TTC7B: variants seen among roughly 807,000 people sequenced by gnomAD.
The protein encoded by TTC7B is tetratricopeptide repeat domain 7B, also known as tetratricopeptide repeat protein 7B.
Under a neutral mutation model 106.8 loss-of-function variants are expected in TTC7B, and 28 were observed. The observed-to-expected ratio is 0.26, with a 90% CI of 0.19 to 0.36. The LOEUF is 0.36. Among genes scored for constraint, TTC7B ranks in the 10% least tolerant of loss-of-function variants. The pLI is 1.00. For synonymous variants in TTC7B, 405 were observed against 430.6 expected (o/e 0.94, Z 0.74); for missense variants, 862 against 1,076.4 (o/e 0.80, Z 2.79).
chr14:90,748,615 C>T (rs1300938546), intron 3 of TTC7B, among the ~76,000 whole-genome samples: 3 of 152,174 alleles, frequency 2.0e-5, no homozygotes, highest in Non-Finnish European at 4.4e-5. Context: ...GCTTGAGCCA[C>T]CATGCCCAGC....
At chr14:90,747,162 C>T (rs1473866270) in intron 3 of TTC7B, among the ~76,000 whole-genome samples, 3 of 152,168 alleles carry the variant, frequency 2.0e-5, no homozygotes, top group Admixed American at 6.5e-5. Context: ...ATGGGTGCTC[C>T]ATGCCTATGT....
intron 16 of TTC7B, among the ~76,000 whole-genome samples, chr14:90,613,080 T>G (rs1892940965): frequency 6.6e-6 from 1 of 152,200 alleles, no homozygotes; most frequent in Admixed American, 6.5e-5. Context: ...TGCTTTTGTT[T>G]CCACATTCAA....
At chr14:90,705,531 T>C (rs911100781) in intron 5 of TTC7B, among the ~76,000 whole-genome samples, 3 of 152,146 alleles carry the variant, frequency 2.0e-5, no homozygotes, top group African/African-American at 7.2e-5. Context: ...CCATATTTCA[T>C]TGACCCCCTC....
intron 19 of TTC7B, among the ~76,000 whole-genome samples, chr14:90,558,511 G>A (rs1186437103): frequency 6.6e-6 from 1 of 152,280 alleles, no homozygotes; most frequent in Non-Finnish European, 1.5e-5. Context: ...TCATTTTGGT[G>A]AGTGGCTTCC....
At chr14:90,615,610 G>A (rs1264135593) in intron 16 of TTC7B, among the ~76,000 whole-genome samples, 3 of 152,190 alleles carry the variant, frequency 2.0e-5, no homozygotes, top group South Asian at 2.1e-4. Flanking sequence ...GGCCCCACTC[G>A]GGAGTGTTGC....
At chr14:90,563,161 T>C (rs2139786403) in intron 19 of TTC7B, among the ~76,000 whole-genome samples, 1 of 152,246 alleles carries the variant, frequency 6.6e-6, no homozygotes, top group African/African-American at 2.4e-5. Context: ...TCCCATTTAA[T>C]CCCTCCAACA....
Position 90,534,025 on chromosome 14 carries a change from A to C in TTC7B, c.*7343T>G, listed in dbSNP as rs1024387998. On this transcript the variant is annotated 3_prime_UTR_variant, in exon 20 of 20. Transcript: ENST00000328459. Reference sequence around the variant, plus strand: ...TCTCAGCCCAGAAGGCAGGCTGGGCAGAGGTGACTGTCCTCATCTGATTCT... The same window carrying C: ...TCTCAGCCCAGAAGGCAGGCTGGGCCGAGGTGACTGTCCTCATCTGATTCT... The C allele has an allele frequency of 2.6e-5, 4 of 152,302 alleles. No individual in the cohort carries two copies. Among genetic ancestry groups the C allele is most frequent in the African/African-American group, 7.2e-5 (3 of 41,474 alleles). 9.4% of individuals were successfully genotyped at this position (152,302 alleles called of 1,614,324 possible).
At chr14:90,774,493 C>A (rs758400643) in intron 3 of TTC7B, among the ~76,000 whole-genome samples, 1 of 152,206 alleles carries the variant, frequency 6.6e-6, no homozygotes, top group Non-Finnish European at 1.5e-5. Context: ...CTCAGAAAGC[C>A]CTGTGGGATG....
chr14:90,717,122 G>A (rs1246178403), intron 5 of TTC7B, among the ~76,000 whole-genome samples: 1 of 152,138 alleles, frequency 6.6e-6, no homozygotes, highest in South Asian at 2.1e-4. Context: ...GGCAGATCAC[G>A]AGGTCAGGTG....
At position 90,527,013 on chromosome 14, in the gene TTC7B, TC is replaced by T. The variant is rs1889163917; in HGVS notation, c.*14354del. On this transcript the variant is annotated 3_prime_UTR_variant, in exon 20 of 20. Coordinates refer to ENST00000328459, the MANE Select transcript of TTC7B (RefSeq NM_001010854.2). ...CGTCAGTTTCTTAGACTTTTCTTTT[TC>T]ATGCTCTTGGTAGTTTTGAGGGGTA... The T allele has an allele frequency of 6.6e-6, 1 of 152,246 alleles. No individual in the cohort carries two copies. Among genetic ancestry groups the T allele is most frequent in the Admixed American group, 6.5e-5 (1 of 15,276 alleles). 9.4% of individuals were successfully genotyped at this position (152,246 alleles called of 1,614,324 possible). A position where few individuals can be genotyped will look rare whatever the true frequency, so the allele number is the denominator to read the frequency against.
chr14:90,743,098 A>G (rs1889829871), intron 4 of TTC7B, among the ~76,000 whole-genome samples: 2 of 152,228 alleles, frequency 1.3e-5, no homozygotes, highest in Admixed American at 1.3e-4. Flanking sequence ...TAAAGATCAT[A>G]TCGTAAATTC....
intron 16 of TTC7B, among the ~76,000 whole-genome samples, chr14:90,616,809 GCCCGCCTCA>G (rs1893099204): frequency 1.3e-5 from 2 of 152,122 alleles, no homozygotes; most frequent in Admixed American, 1.3e-4. Flanking sequence ...CCAGCCCACT[GCCCGCCTCA>G]CCCTTCGTAC....
chr14:90,616,568 C>T (rs1208876125), intron 16 of TTC7B, among the ~76,000 whole-genome samples: 2 of 152,144 alleles, frequency 1.3e-5, no homozygotes, highest in African/African-American at 2.4e-5. Flanking sequence ...CTGGACAGCT[C>T]ATGGCTTTCC....
intron 5 of TTC7B, among the ~76,000 whole-genome samples, chr14:90,713,266 C>A (rs1888519457): frequency 1.3e-5 from 2 of 152,130 alleles, no homozygotes; most frequent in Admixed American, 6.5e-5. Context: ...CAAGTGCACA[C>A]CACCATGCCC....
chr14:90,658,020 G>A, intron 10 of TTC7B: 1 of 427,326 alleles, frequency 2.3e-6, no homozygotes, highest in African/African-American at 2.0e-5. Context: ...GGAGGTGTCT[G>A]TGTAAAACAT....
At chr14:90,667,525 C>CA (rs1886459825) in intron 9 of TTC7B, among the ~76,000 whole-genome samples, 1 of 152,196 alleles carries the variant, frequency 6.6e-6, no homozygotes, top group South Asian at 2.1e-4. Context: ...CCTACCCCCG[C>CA]AAACAACCCC....
chr14:90,681,270 T>A (rs917724955), intron 7 of TTC7B, among the ~76,000 whole-genome samples: 2 of 152,180 alleles, frequency 1.3e-5, no homozygotes, highest in Non-Finnish European at 2.9e-5. Flanking sequence ...AGCTCTAGAA[T>A]CCTTTGAGCA....
intron 5 of TTC7B, among the ~76,000 whole-genome samples, chr14:90,703,498 G>A (rs1413366520): frequency 1.3e-5 from 2 of 152,122 alleles, no homozygotes; most frequent in Admixed American, 1.3e-4. Flanking sequence ...CAATTGACAG[G>A]AGAACTGCAT....
At chr14:90,726,424 T>C (rs1237709031) in intron 5 of TTC7B, among the ~76,000 whole-genome samples, 1 of 152,178 alleles carries the variant, frequency 6.6e-6, no homozygotes, top group Non-Finnish European at 1.5e-5. Flanking sequence ...GCCCTGGCAA[T>C]GTCCGGCTCG....
Sources: allele counts gnomAD v4.1 joint callset (sites outside exome capture counted in the v4.1 genomes callset), GRCh38; gene constraint gnomAD v4.1.1; transcripts MANE v1.5; gene names NCBI Gene and HGNC (gene_info 2026-07-23, HGNC 2026-07-21).